ADGRL3: variants seen among roughly 807,000 people sequenced by gnomAD.
ADGRL3 encodes calcium-independent alpha-latrotoxin receptor 3.
In ADGRL3, 62 loss-of-function variants were observed where a neutral mutation model predicts 153.5. The observed-to-expected ratio is 0.40, with a 90% confidence interval of 0.33 to 0.50. The LOEUF (loss-of-function observed/expected upper bound fraction) is 0.50, where lower values mean the gene tolerates loss of function less well. ADGRL3 is among the 20% of genes least tolerant of loss of function. The probability of loss-of-function intolerance (pLI) is 0.47; values close to 1 mark genes in which losing one functional copy is unlikely to be tolerated. For synonymous variants in ADGRL3, 710 were observed against 672.5 expected, an observed-to-expected ratio of 1.06 and a Z score of -0.86; for missense variants, 1,641 against 1,859.4, an observed-to-expected ratio of 0.88 and a Z score of 2.16.
At chr4:61,993,375 C>T (rs1207450541) in intron 19 of ADGRL3, among the ~76,000 whole-genome samples, 7 of 148,840 alleles carry the variant, frequency 4.7e-5, no homozygotes, top group Middle Eastern at 3.4e-3. Context: ...TCACTGCAAC[C>T]TCTGCCCCCA....
At chr4:61,573,880 G>A (rs912011220) in intron 4 of ADGRL3, among the ~76,000 whole-genome samples, 1 of 151,946 alleles carries the variant, frequency 6.6e-6, no homozygotes, top group Admixed American at 6.6e-5. Context: ...TTATGGAATG[G>A]TATTTGACTT....
chr4:62,050,849 A>C (rs1035313947), intron 25 of ADGRL3, among the ~76,000 whole-genome samples: 1 of 151,888 alleles, frequency 6.6e-6, no homozygotes, highest in African/African-American at 2.4e-5. Flanking sequence ...TGAAATTTGC[A>C]AAAACAGTTA....
chr4:61,950,826 G>T (rs2098944440), intron 17 of ADGRL3, among the ~76,000 whole-genome samples: 2 of 152,178 alleles, frequency 1.3e-5, no homozygotes. Flanking sequence ...GGATAAAACT[G>T]GTTTCAGATT....
In ADGRL3 at chr4:62,006,001, CACAT is replaced by C. The variant is rs1480127380; in HGVS notation, c.3395+7738_3395+7741del. Reference sequence around the variant, plus strand: ...ACACACACACACACACACACACACACACATATATATATATATATATATATATATA... The same window carrying C: ...ACACACACACACACACACACACACACATATATATATATATATATATATATA... On this transcript the variant is annotated intron_variant, in intron 21 of 26. Transcript: ENST00000683033. 6.9e-3 allele frequency among the ~76,000 whole-genome samples: 445 copies of C among 64,458 alleles called. 2 individuals are homozygous for C. Among genetic ancestry groups the C allele is most frequent in the East Asian group, 0.021 (41 of 1,978 alleles). The allele number at this position is 64,458 out of a possible 152,430, so 42.3% of individuals were successfully genotyped here.
intron 1 of ADGRL3, among the ~76,000 whole-genome samples, chr4:61,262,920 C>A (rs1028018261): frequency 2.0e-5 from 3 of 152,014 alleles, no homozygotes; most frequent in African/African-American, 7.2e-5. Context: ...GTTTCTGGAC[C>A]AGCCACCAGT....
At chr4:61,434,370 G>A (rs1156510592) in intron 2 of ADGRL3, among the ~76,000 whole-genome samples, 4 of 151,936 alleles carry the variant, frequency 2.6e-5, no homozygotes, top group Non-Finnish European at 2.9e-5. Context: ...GAATTTTGAC[G>A]CTATGATACA....
intron 6 of ADGRL3, among the ~76,000 whole-genome samples, chr4:61,714,967 C>T (rs1289438000): frequency 6.6e-6 from 1 of 152,084 alleles, no homozygotes; most frequent in Non-Finnish European, 1.5e-5. Context: ...TAACTCAAAA[C>T]ATTTGTAGGC....
intron 3 of ADGRL3, among the ~76,000 whole-genome samples, chr4:61,510,472 T>C (rs1329239528): frequency 5.3e-5 from 8 of 152,312 alleles, no homozygotes; most frequent in Middle Eastern, 6.8e-3. Flanking sequence ...TTATTTTGCA[T>C]ACATGGCCAG....
chr4:61,465,265 C>A (rs1170138546), intron 2 of ADGRL3, among the ~76,000 whole-genome samples: 1 of 151,926 alleles, frequency 6.6e-6, no homozygotes, highest in Non-Finnish European at 1.5e-5. Context: ...CTTTAAATAC[C>A]ATTTCATTTA....
intron 1 of ADGRL3, among the ~76,000 whole-genome samples, chr4:61,292,694 G>A (rs547214262): frequency 2.6e-5 from 4 of 152,204 alleles, no homozygotes; most frequent in Admixed American, 2.6e-4. Flanking sequence ...TAGAGACCTG[G>A]AGTCAAAGAA....
At chr4:61,323,572 C>T (rs905929105) in intron 1 of ADGRL3, among the ~76,000 whole-genome samples, 1 of 152,130 alleles carries the variant, frequency 6.6e-6, no homozygotes, top group African/African-American at 2.4e-5. Context: ...TTCCACAAAT[C>T]TCTAGGGCAG....
chr4:61,767,198 A>AGG (rs1198724622), intron 8 of ADGRL3, among the ~76,000 whole-genome samples: 2 of 152,040 alleles, frequency 1.3e-5, no homozygotes, highest in Non-Finnish European at 2.9e-5. Context: ...ATTGGGAAGA[A>AGG]GAGCAGCAAT....
At chr4:61,719,538 G>A (rs1379623559) in intron 6 of ADGRL3, among the ~76,000 whole-genome samples, 2 of 151,086 alleles carry the variant, frequency 1.3e-5, no homozygotes, top group East Asian at 3.9e-4. Flanking sequence ...ACAGTTTTAT[G>A]TGTACCACTT....
intron 21 of ADGRL3, among the ~76,000 whole-genome samples, chr4:62,007,449 T>G (rs1303673677): frequency 2.6e-5 from 3 of 116,626 alleles, no homozygotes; most frequent in African/African-American, 1.0e-4. Flanking sequence ...TACACACACA[T>G]ATATATACAT....
chr4:61,801,437 C>G (rs1288768469), intron 8 of ADGRL3, among the ~76,000 whole-genome samples: 1 of 152,046 alleles, frequency 6.6e-6, no homozygotes, highest in Non-Finnish European at 1.5e-5. Context: ...TGGATTTAAA[C>G]TCTGTTGTTC....
chr4:61,859,668 G>T (rs1435412019), intron 9 of ADGRL3, among the ~76,000 whole-genome samples: 1 of 152,188 alleles, frequency 6.6e-6, no homozygotes, highest in African/African-American at 2.4e-5. Flanking sequence ...ATGTAAATAA[G>T]TTTTAAAACA....
rs188632251 is a variant in ADGRL3 at position 61,865,104 on chromosome 4, C to G, written c.1481-27552C>G. The stretch of plus-strand genomic sequence containing the variant: ...TCTCGCAGAATGAGATTGGTTTACA[C>G]TAAGCATAAACTACGAAATAAAATT... On this transcript the variant is annotated intron_variant, in intron 9 of 26. Coordinates refer to ENST00000683033, the MANE Select transcript of ADGRL3 (RefSeq NM_001387552.1). 2.8e-4 allele frequency among the ~76,000 whole-genome samples: 42 copies of G among 152,206 alleles called. No individual in the cohort carries two copies. The East Asian group carries it at 3.1e-3, about 11-fold the overall frequency.
chr4:61,429,817 AT>A (rs943205296), intron 2 of ADGRL3, among the ~76,000 whole-genome samples: 3 of 152,138 alleles, frequency 2.0e-5, no homozygotes, highest in African/African-American at 7.2e-5. Flanking sequence ...AAATGAAGTA[AT>A]TTTTTAAGGT....
At chr4:61,836,845 C>T (rs1007344561) in intron 9 of ADGRL3, among the ~76,000 whole-genome samples, 3 of 151,936 alleles carry the variant, frequency 2.0e-5, no homozygotes, top group African/African-American at 7.2e-5. Flanking sequence ...TGACTTCTAC[C>T]TCACTGTAAG....
Sources: allele counts gnomAD v4.1 joint callset (sites outside exome capture counted in the v4.1 genomes callset), GRCh38; gene constraint gnomAD v4.1.1; transcripts MANE v1.5; gene names NCBI Gene and HGNC (gene_info 2026-07-23, HGNC 2026-07-21).